Variants in CDK17 observed in about 807,000 individuals in gnomAD.
The protein encoded by CDK17 is cyclin dependent kinase 17, also known as cyclin-dependent kinase 17.
In CDK17, 24 loss-of-function variants were observed where a neutral mutation model predicts 77.6. The observed-to-expected ratio is 0.31, with a 90% CI of 0.22 to 0.44. The LOEUF (loss-of-function observed/expected upper bound fraction) is 0.44, where lower values mean the gene tolerates loss of function less well. Among genes scored for constraint, CDK17 ranks in the 20% least tolerant of loss-of-function variants. The pLI, the probability that CDK17 is intolerant of heterozygous loss-of-function variation, is 1.00. For synonymous variants in CDK17, 203 were observed against 210.4 expected (o/e 0.96, Z 0.30); for missense variants, 429 against 622.5 (o/e 0.69, Z 3.31).
intron 1 of CDK17, among the ~76,000 whole-genome samples, chr12:96,338,934 T>C (rs962557334): frequency 1.3e-5 from 2 of 151,928 alleles, no homozygotes; most frequent in Admixed American, 1.3e-4. Flanking sequence ...AGATGTAAAC[T>C]CTGTACCCAT....
At chr12:96,308,394 G>C (rs1176952480) in intron 5 of CDK17, among the ~76,000 whole-genome samples, 3 of 151,956 alleles carry the variant, frequency 2.0e-5, no homozygotes, top group Non-Finnish European at 4.4e-5. Flanking sequence ...CTAGGTGACA[G>C]AGTGAGACCT....
At chr12:96,332,414 T>A (rs981671547) in intron 2 of CDK17, among the ~76,000 whole-genome samples, 8 of 152,256 alleles carry the variant, frequency 5.3e-5, no homozygotes, top group Admixed American at 3.9e-4. Flanking sequence ...AAGATAACTT[T>A]AAAAGTATAT....
At chr12:96,295,972 G>C (rs1952399664) in intron 9 of CDK17, among the ~76,000 whole-genome samples, 1 of 152,144 alleles carries the variant, frequency 6.6e-6, no homozygotes, top group Non-Finnish European at 1.5e-5. Flanking sequence ...CAGGGCATCC[G>C]AACACTGAGG....
chr12:96,388,016 C>T (rs1320628666), intron 1 of CDK17, among the ~76,000 whole-genome samples: 2 of 151,094 alleles, frequency 1.3e-5, no homozygotes, highest in African/African-American at 4.9e-5. Context: ...ACGCCTGTAA[C>T]CCTAGCAGTT....
chr12:96,311,631 T>A (rs561510623), intron 4 of CDK17, among the ~76,000 whole-genome samples: 27 of 123,634 alleles, frequency 2.2e-4, no homozygotes, highest in Middle Eastern at 4.0e-3. Flanking sequence ...TGAGCTGGGA[T>A]AAACTTGAAA....
At chr12:96,346,496 C>T (rs943413004) in intron 1 of CDK17, among the ~76,000 whole-genome samples, 1 of 151,990 alleles carries the variant, frequency 6.6e-6, no homozygotes, top group African/African-American at 2.4e-5. Flanking sequence ...GGCGTAGTGG[C>T]GTGCACCTAT....
At chr12:96,281,896 C>T (rs1272456137) in intron 15 of CDK17, 1 of 152,102 alleles carries the variant, frequency 6.6e-6, no homozygotes, top group Non-Finnish European at 1.5e-5. Flanking sequence ...AGCTTAGTTC[C>T]CAAACATTCT....
At chr12:96,348,743 A>C (rs1953267590) in intron 1 of CDK17, among the ~76,000 whole-genome samples, 1 of 152,136 alleles carries the variant, frequency 6.6e-6, no homozygotes, top group African/African-American at 2.4e-5. Context: ...ACTCTTACAA[A>C]CACACAAACC....
intron 15 of CDK17, 22 bp from the exon 16 acceptor site, chr12:96,280,907 T>C (rs746836741): frequency 6.3e-7 from 1 of 1,595,138 alleles, no homozygotes; most frequent in South Asian, 1.1e-5. Flanking sequence ...AGACAAAAAT[T>C]ATTAGGTGAA....
At chr12:96,328,351 G>A (rs1000051447) in intron 2 of CDK17, among the ~76,000 whole-genome samples, 6 of 151,982 alleles carry the variant, frequency 3.9e-5, no homozygotes, top group Admixed American at 3.3e-4. Context: ...GAAATAAAAG[G>A]CAAAATAAAT....
intron 5 of CDK17, among the ~76,000 whole-genome samples, chr12:96,306,040 A>G (rs1952572794): frequency 6.6e-6 from 1 of 152,022 alleles, no homozygotes; most frequent in Admixed American, 6.6e-5. Flanking sequence ...TTTTTATGAT[A>G]TAGGAAGAGA....
chr12:96,356,307 T>G (rs1180734840), intron 1 of CDK17, among the ~76,000 whole-genome samples: 1 of 152,210 alleles, frequency 6.6e-6, no homozygotes, highest in Non-Finnish European at 1.5e-5. Context: ...TAAAATTTAT[T>G]TATTTTGAGA....
intron 1 of CDK17, among the ~76,000 whole-genome samples, chr12:96,339,316 G>T (rs554800713): frequency 6.6e-6 from 1 of 152,030 alleles, no homozygotes; most frequent in African/African-American, 2.4e-5. Flanking sequence ...TCCAAACTGA[G>T]TTGTGCTGCA....
At chr12:96,335,031 C>T (rs1383468395) in intron 1 of CDK17, 166 bp from the exon 2 acceptor site, 1 of 668,546 alleles carries the variant, frequency 1.5e-6, no homozygotes, top group Admixed American at 2.0e-5. Context: ...GATTCACCTA[C>T]TCCGAATAAT....
At chr12:96,302,025 T>C (rs1470098295) in intron 5 of CDK17, among the ~76,000 whole-genome samples, 1 of 152,154 alleles carries the variant, frequency 6.6e-6, no homozygotes, top group Non-Finnish European at 1.5e-5. Context: ...GAATGAAAAA[T>C]TATTTTTGCA....
At chr12:96,313,590 G>T (rs1451774812) in intron 3 of CDK17, 136 bp from the exon 4 acceptor site, 2 of 449,898 alleles carry the variant, frequency 4.4e-6, no homozygotes, top group Non-Finnish European at 7.6e-6. Context: ...GGGTGCCACA[G>T]GTATGCAGTT....
At chr12:96,347,575 A>AGGGAG (rs1953235226) in intron 1 of CDK17, among the ~76,000 whole-genome samples, 2 of 85,264 alleles carry the variant, frequency 2.3e-5, no homozygotes, top group Admixed American at 1.5e-4. Context: ...GGGGAAGGGA[A>AGGGAG]GGGAGGGGAG....
chr12:96,378,766 G>C (rs996919264), intron 1 of CDK17, among the ~76,000 whole-genome samples: 1 of 152,042 alleles, frequency 6.6e-6, no homozygotes, highest in African/African-American at 2.4e-5. Context: ...ATCTACATAA[G>C]AAAATACTAT....
In CDK17 at chr12:96,297,003, T is replaced by A. The variant is rs982817203; in HGVS notation, c.873+267A>T. ...TTTTTTTTAAAGCAGAATACACCTG[T>A]ACATATATTCTATATTAGGACAATC... On this transcript the variant is annotated intron_variant, in intron 9 of 16. Transcript: ENST00000261211. 3.9e-5 allele frequency among the ~76,000 whole-genome samples: 6 copies of A among 152,216 alleles called. 1 individual carries two copies. Among genetic ancestry groups the A allele is most frequent in the Admixed American group, 2.0e-4 (3 of 15,288 alleles).
Sources: allele counts gnomAD v4.1 joint callset (sites outside exome capture counted in the v4.1 genomes callset), GRCh38; gene constraint gnomAD v4.1.1; transcripts MANE v1.5; gene names NCBI Gene and HGNC (gene_info 2026-07-23, HGNC 2026-07-21).